KCNIP4: variants seen among roughly 807,000 people sequenced by gnomAD.
KCNIP4 encodes Kv channel-interacting protein 4.
Under a neutral mutation model 34.0 loss-of-function variants are expected in KCNIP4, and 12 were observed. The ratio of observed to expected loss-of-function variants is 0.35; its 90% CI spans 0.23 to 0.57. KCNIP4 has a LOEUF of 0.57. Ranked by LOEUF, KCNIP4 falls within the 20% of genes least tolerant of loss-of-function variation. KCNIP4 has a pLI of 0.83. For missense variants in KCNIP4, 238 were observed against 311.7 expected (o/e 0.76, Z 1.78); for synonymous variants, 124 against 102.2 (o/e 1.21, Z -1.29).
intron 1 of KCNIP4, among the ~76,000 whole-genome samples, chr4:21,815,469 T>G (rs1015980216): frequency 2.6e-5 from 4 of 152,108 alleles, no homozygotes; most frequent in Admixed American, 2.0e-4. Flanking sequence ...CTAAAGATGA[T>G]TAAAGGTCTA....
intron 1 of KCNIP4, chr4:21,304,112 A>AGAGAGAGAGAGAGAGAGG (rs1712150247): frequency 2.2e-6 from 1 of 446,672 alleles, no homozygotes. Context: ...AGAGAGACAG[A>AGAGAGAGAGAGAGAGAGG]GGAGAGAGAG....
At chr4:21,004,726 C>T (rs957857676) in intron 1 of KCNIP4, among the ~76,000 whole-genome samples, 4 of 152,064 alleles carry the variant, frequency 2.6e-5, no homozygotes, top group East Asian at 1.9e-4. Flanking sequence ...TAGAGTTCCA[C>T]GGAAGTCAAA....
At chr4:21,523,034 T>TA (rs368418389) in intron 1 of KCNIP4, among the ~76,000 whole-genome samples, 69 of 149,756 alleles carry the variant, frequency 4.6e-4, no homozygotes, top group Middle Eastern at 3.4e-3. Flanking sequence ...GTGCCCTTAT[T>TA]AAAAAAAAAG....
At chr4:21,417,177 C>G (rs1371082321) in intron 1 of KCNIP4, among the ~76,000 whole-genome samples, 1 of 152,076 alleles carries the variant, frequency 6.6e-6, no homozygotes, top group East Asian at 1.9e-4. Flanking sequence ...CATAGGGAAT[C>G]CATATTTCAC....
At chr4:21,351,290 C>G (rs1285761897) in intron 1 of KCNIP4, among the ~76,000 whole-genome samples, 3 of 152,104 alleles carry the variant, frequency 2.0e-5, no homozygotes, top group Admixed American at 6.5e-5. Flanking sequence ...TAGGAGGAAC[C>G]TGGTGGGAGG....
At chr4:21,212,816 A>G (rs1757314250) in intron 1 of KCNIP4, among the ~76,000 whole-genome samples, 2 of 152,180 alleles carry the variant, frequency 1.3e-5, no homozygotes, top group African/African-American at 2.4e-5. Flanking sequence ...ATACCATTAC[A>G]GTGGGTTAGG....
chr4:21,109,965 T>C (rs1264609869), intron 1 of KCNIP4, among the ~76,000 whole-genome samples: 1 of 152,204 alleles, frequency 6.6e-6, no homozygotes, highest in Non-Finnish European at 1.5e-5. Flanking sequence ...TCCTATATTA[T>C]TATTTGAAAT....
intron 1 of KCNIP4, among the ~76,000 whole-genome samples, chr4:21,469,883 T>A (rs527486876): frequency 1.3e-5 from 2 of 152,212 alleles, no homozygotes; most frequent in Non-Finnish European, 2.9e-5. Flanking sequence ...ATGATTCATG[T>A]GTTACTACAC....
intron 1 of KCNIP4, among the ~76,000 whole-genome samples, chr4:21,760,243 A>T (rs1231716486): frequency 6.6e-6 from 1 of 152,036 alleles, no homozygotes; most frequent in East Asian, 1.9e-4. Flanking sequence ...CAGGTACTAG[A>T]ATCTAGTGGT....
At chr4:21,266,821 T>C (rs997575338) in intron 1 of KCNIP4, among the ~76,000 whole-genome samples, 4 of 152,160 alleles carry the variant, frequency 2.6e-5, no homozygotes, top group African/African-American at 9.7e-5. Flanking sequence ...CCCATGGTTT[T>C]ATAGGGGAGA....
chr4:21,058,571 G>T (rs1743628474), intron 1 of KCNIP4, among the ~76,000 whole-genome samples: 1 of 152,062 alleles, frequency 6.6e-6, no homozygotes, highest in Admixed American at 6.6e-5. Context: ...AGACACTGGA[G>T]ATATTAAATG....
At chr4:21,367,516 C>A (rs927121795) in intron 1 of KCNIP4, among the ~76,000 whole-genome samples, 8 of 130,864 alleles carry the variant, frequency 6.1e-5, no homozygotes, top group Admixed American at 2.8e-4. Context: ...AAAGGAAGAT[C>A]AAAACCAAGG....
intron 1 of KCNIP4, among the ~76,000 whole-genome samples, chr4:21,532,727 G>A (rs1736789020): frequency 6.6e-6 from 1 of 152,054 alleles, no homozygotes; most frequent in African/African-American, 2.4e-5. Flanking sequence ...CTTGCCTTTA[G>A]GTTTTTATTA....
chr4:21,557,655 C>T (rs1207670952), intron 1 of KCNIP4, among the ~76,000 whole-genome samples: 1 of 123,208 alleles, frequency 8.1e-6, no homozygotes, highest in East Asian at 2.8e-4. Flanking sequence ...TTCATCTACT[C>T]TCTGGCCCAT....
intron 1 of KCNIP4, among the ~76,000 whole-genome samples, chr4:21,434,901 CT>C (rs1358091974): frequency 2.6e-5 from 4 of 151,984 alleles, no homozygotes; most frequent in African/African-American, 7.3e-5. Flanking sequence ...TAAGTTACTG[CT>C]TTCTTGACAC....
chr4:21,931,715 C>T lies in KCNIP4; in HGVS notation c.61+16856G>A, dbSNP rs139044056. On this transcript the variant is annotated intron_variant, in intron 1 of 8. Coordinates refer to ENST00000382152, the MANE Select transcript of KCNIP4 (RefSeq NM_025221.6). Reference sequence around the variant, plus strand: ...TGGGTTGGTTCCAAGTCTTTGCTATCGTGAATAGTGCCGCAATAAACATAC... The same window carrying T: ...TGGGTTGGTTCCAAGTCTTTGCTATTGTGAATAGTGCCGCAATAAACATAC... Among the ~76,000 whole-genome samples the T allele has an allele frequency of 8.2e-3, 1,241 of 152,056 alleles. 14 individuals carry two copies. The highest frequency in any genetic ancestry group is 0.028 in the African/African-American group (1,154 of 41,510).
intron 1 of KCNIP4, among the ~76,000 whole-genome samples, chr4:21,068,929 A>G (rs1744653524): frequency 6.6e-6 from 1 of 152,222 alleles, no homozygotes. Flanking sequence ...GAAGCTATTA[A>G]GATCAAAGAG....
At chr4:21,939,320 C>T (rs1441676738) in intron 1 of KCNIP4, among the ~76,000 whole-genome samples, 1 of 152,104 alleles carries the variant, frequency 6.6e-6, no homozygotes, top group East Asian at 1.9e-4. Flanking sequence ...GACTCCTGTA[C>T]TTAAATTACA....
chr4:21,016,392 G>A (rs912004715), intron 1 of KCNIP4, among the ~76,000 whole-genome samples: 2 of 150,498 alleles, frequency 1.3e-5, no homozygotes, highest in South Asian at 2.1e-4. Context: ...TCTGCCTCCC[G>A]GGTTCACGCC....
Sources: gnomAD v4.1 joint callset for allele counts (sites outside exome capture counted in the v4.1 genomes callset) on GRCh38, gnomAD v4.1.1 for gene constraint, MANE v1.5 for transcripts, NCBI Gene and HGNC (gene_info 2026-07-23, HGNC 2026-07-21) for gene names.